The following NOS1AP variants were observed in gnomAD, a reference collection of about 807,000 sequenced individuals.
The protein encoded by NOS1AP is nitric oxide synthase 1 adaptor protein.
Under a neutral mutation model 56.2 loss-of-function variants are expected in NOS1AP, and 21 were observed. The observed-to-expected ratio is 0.37, with a 90% CI of 0.26 to 0.54. The LOEUF is 0.54. Ranked by LOEUF, NOS1AP falls within the 20% of genes least tolerant of loss-of-function variation. The pLI, the probability that NOS1AP is intolerant of heterozygous loss-of-function variation, is 0.84. For missense variants in NOS1AP, 522 were observed against 657.8 expected, an observed-to-expected ratio of 0.79 and a Z score of 2.26; for synonymous variants, 270 against 274.6, an observed-to-expected ratio of 0.98 and a Z score of 0.17.
chr1:162,266,454 T>C (rs1195137705), intron 2 of NOS1AP, among the ~76,000 whole-genome samples: 1 of 152,222 alleles, frequency 6.6e-6, no homozygotes, highest in Non-Finnish European at 1.5e-5. Flanking sequence ...TGGCAGTCCA[T>C]AACCATGAAT....
chr1:162,257,824 T>C (rs894486418), intron 2 of NOS1AP, among the ~76,000 whole-genome samples: 9 of 152,158 alleles, frequency 5.9e-5, no homozygotes, highest in African/African-American at 2.2e-4. Flanking sequence ...ACAGTGAGTG[T>C]AACCCAAAGT....
rs1297513880 is a variant in NOS1AP at position 162,294,224 on chromosome 1, G to GAAGGAAGGAAGA, written c.271-6406_271-6405insGAAGGAAGAAAG. On this transcript the variant is annotated intron_variant, in intron 3 of 9. Coordinates refer to ENST00000361897, the MANE Select transcript of NOS1AP (RefSeq NM_014697.3). ...GGAAGGAAGGAAGGAAGGAAGGAAG[G>GAAGGAAGGAAGA]AAGAAAGAAAGGAAGGAAGGATAGC... 2.5e-3 allele frequency among the ~76,000 whole-genome samples: 371 copies of GAAGGAAGGAAGA among 149,808 alleles called. 3 individuals are homozygous for GAAGGAAGGAAGA. Among genetic ancestry groups the GAAGGAAGGAAGA allele is most frequent in the African/African-American group, 5.4e-3 (218 of 40,322 alleles).
At chr1:162,306,836 C>T (rs949600957) in intron 4 of NOS1AP, among the ~76,000 whole-genome samples, 4 of 151,992 alleles carry the variant, frequency 2.6e-5, no homozygotes, top group African/African-American at 9.7e-5. Flanking sequence ...ACTCAGGAGG[C>T]TGAGGCAGGA....
chr1:162,356,197 T>A (rs781572374), intron 7 of NOS1AP, among the ~76,000 whole-genome samples: 85 of 152,282 alleles, frequency 5.6e-4, no homozygotes, highest in Non-Finnish European at 1.1e-3. Flanking sequence ...CTTCCTTGTG[T>A]ATGTCTGAAG....
chr1:162,292,140 A>T (rs80119673), intron 3 of NOS1AP, among the ~76,000 whole-genome samples: 143 of 152,366 alleles, frequency 9.4e-4, no homozygotes, highest in Non-Finnish European at 1.5e-3. Context: ...CATAGGTTAC[A>T]TAAGGATATT....
chr1:162,165,317 G>T (rs1490947624), intron 2 of NOS1AP, among the ~76,000 whole-genome samples: 1 of 151,278 alleles, frequency 6.6e-6, no homozygotes. Flanking sequence ...GCGAAACTCT[G>T]TCAAAAAAAA....
intron 8 of NOS1AP, among the ~76,000 whole-genome samples, chr1:162,360,089 C>T: frequency 6.9e-6 from 1 of 145,272 alleles, no homozygotes; most frequent in Admixed American, 7.1e-5. Context: ...AGGTTTCCTT[C>T]ACAGTGTCCT....
intron 2 of NOS1AP, among the ~76,000 whole-genome samples, chr1:162,158,329 C>T (rs997207132): frequency 1.2e-4 from 19 of 152,144 alleles, no homozygotes; most frequent in African/African-American, 3.6e-4. Flanking sequence ...GATTTCCTTC[C>T]TTTTTAAGGC....
intron 1 of NOS1AP, among the ~76,000 whole-genome samples, chr1:162,083,936 G>T (rs925965837): frequency 6.6e-6 from 1 of 152,158 alleles, no homozygotes; most frequent in African/African-American, 2.4e-5. Flanking sequence ...CTGCTCATTG[G>T]AATCTCTGTG....
chr1:162,345,117 A>G (rs544981012), intron 6 of NOS1AP, among the ~76,000 whole-genome samples: 3 of 152,060 alleles, frequency 2.0e-5, no homozygotes, highest in South Asian at 2.1e-4. Context: ...CTCTTTGTTT[A>G]TCTATAAATT....
At chr1:162,338,045 A>G (rs1214564397) in intron 5 of NOS1AP, among the ~76,000 whole-genome samples, 1 of 152,220 alleles carries the variant, frequency 6.6e-6, no homozygotes, top group Non-Finnish European at 1.5e-5. Context: ...AAAAAAATAC[A>G]TTAAAGAAAC....
At chr1:162,206,453 C>T (rs934759326) in intron 2 of NOS1AP, among the ~76,000 whole-genome samples, 114 of 152,296 alleles carry the variant, frequency 7.5e-4, no homozygotes, top group African/African-American at 2.6e-3. Context: ...CACACAGCCA[C>T]ACACATTTGT....
chr1:162,090,571 G>T (rs545549410), intron 1 of NOS1AP, among the ~76,000 whole-genome samples: 5 of 152,074 alleles, frequency 3.3e-5, no homozygotes, highest in Non-Finnish European at 7.4e-5. Flanking sequence ...CCATATGTTG[G>T]TTCTTGTTTG....
intron 1 of NOS1AP, among the ~76,000 whole-genome samples, chr1:162,076,694 C>T (rs1691776528): frequency 6.6e-6 from 1 of 152,140 alleles, no homozygotes; most frequent in South Asian, 2.1e-4. Context: ...GGTGAAACCC[C>T]ATCTCTACTA....
intron 2 of NOS1AP, among the ~76,000 whole-genome samples, chr1:162,278,050 T>G (rs984033710): frequency 6.6e-6 from 1 of 152,218 alleles, no homozygotes; most frequent in African/African-American, 2.4e-5. Flanking sequence ...CTATAGTAAC[T>G]TCTTTTCCAT....
At chr1:162,319,364 T>C (rs1656338280) in intron 4 of NOS1AP, among the ~76,000 whole-genome samples, 2 of 151,768 alleles carry the variant, frequency 1.3e-5, no homozygotes, top group Non-Finnish European at 2.9e-5. Context: ...CAATCCATCC[T>C]CCACACCACC....
Position 162,367,405 on chromosome 1 carries a change from C to CT in NOS1AP, c.1460dup (p.Leu488AlafsTer15), listed in dbSNP as rs1463208571. 6.3e-7 allele frequency: 1 copy of CT among 1,597,684 alleles called. No homozygotes were observed. The highest frequency in any genetic ancestry group is 8.5e-7 in the Non-Finnish European group (1 of 1,170,638). On this transcript the variant is annotated frameshift_variant, in exon 10 of 10. Coordinates refer to ENST00000361897, the MANE Select transcript of NOS1AP (RefSeq NM_014697.3). LOFTEE classifies it high-confidence loss of function. The surrounding 1 kb of genome is among the most constrained non-coding windows in gnomAD (Gnocchi z 6.5). Reference sequence around the variant, plus strand: ...GTGGTCCCAGGAGGAGCTGCCGCGCCTGCTGAATGTCCTGCAGAGGCAGGA... The same window carrying CT: ...GTGGTCCCAGGAGGAGCTGCCGCGCCTTGCTGAATGTCCTGCAGAGGCAGGA...
At chr1:162,191,632 T>G (rs1181769444) in intron 2 of NOS1AP, among the ~76,000 whole-genome samples, 1 of 151,948 alleles carries the variant, frequency 6.6e-6, no homozygotes, top group Non-Finnish European at 1.5e-5. Flanking sequence ...TGCCGCGTTC[T>G]CCTAGATAGC....
chr1:162,156,790 T>A (rs1263105567), intron 2 of NOS1AP, among the ~76,000 whole-genome samples: 2 of 152,162 alleles, frequency 1.3e-5, no homozygotes, highest in Non-Finnish European at 2.9e-5. Context: ...TTACAACTAC[T>A]CTAGATGAGG....
Sources: gnomAD v4.1 joint callset for allele counts (sites outside exome capture counted in the v4.1 genomes callset) on GRCh38, gnomAD v4.1.1 for gene constraint, Gnocchi (gnomAD v3.1) non-coding constraint, MANE v1.5 for transcripts, NCBI Gene and HGNC (gene_info 2026-07-23, HGNC 2026-07-21) for gene names.